The following RPE65 variants were observed in gnomAD, a reference collection of about 807,000 sequenced individuals.
RPE65 encodes the protein retinoid isomerohydrolase.
RPE65 carries 58 observed loss-of-function variants against 68.5 expected under a neutral mutation model. That is an observed-to-expected ratio of 0.85 (90% CI 0.69 to 1.05). RPE65 has a LOEUF of 1.05. Among genes scored for constraint, RPE65 ranks in the 50% least tolerant of loss-of-function variants. The probability of loss-of-function intolerance (pLI) is 0.00; values close to 1 mark genes in which losing one functional copy is unlikely to be tolerated. For synonymous variants in RPE65, 220 were observed against 222.2 expected (o/e 0.99, Z 0.09); for missense variants, 643 against 629.9 (o/e 1.02, Z -0.22).
At chr1:68,446,659 C>A in intron 3 of RPE65, 51 bp downstream of exon 3, 1 of 1,613,004 alleles carries the variant, frequency 6.2e-7, no homozygotes, top group South Asian at 1.1e-5. Flanking sequence ...GAGGAGGAGC[C>A]AAGCTAGGCC....
In RPE65 at chr1:68,431,520, G is replaced by A. The variant is rs139640666; in HGVS notation, c.1194C>T (p.Asp398=). ...CTTCAGGCTCCAGCCAGATAGTCTC[G>A]TCACTGCACAGAATTGCAGTGGCAG... The part of the protein sequence containing the change: ...NTTATAILCS[D]ETIWLEPEVL... The change falls in exon 11 of 14, where the codon GAC becomes GAT. Residue 398 remains aspartate (D), a synonymous_variant. Transcript: ENST00000262340. The A allele has an allele frequency of 9.5e-5, 154 of 1,613,928 alleles. No homozygotes were observed. The highest frequency in any genetic ancestry group is 4.1e-4 in the South Asian group (37 of 91,086).
Position 68,432,749 on chromosome 1 carries a change from A to G in RPE65, c.1129-1164T>C, listed in dbSNP as rs141324183. Among the ~76,000 whole-genome samples the G allele has an allele frequency of 2.8e-3, 420 of 152,270 alleles. 4 individuals carry two copies. The highest frequency in any genetic ancestry group is 9.5e-3 in the African/African-American group (393 of 41,564). On this transcript the variant is annotated intron_variant, in intron 10 of 13. Coordinates refer to ENST00000262340, the MANE Select transcript of RPE65 (RefSeq NM_000329.3). Reference sequence around the variant, plus strand: ...GTTTTCAGCACAGGAGTGAGATGCTATGATTTATTTTTAGGGTAGCCTTGT... The same window carrying G: ...GTTTTCAGCACAGGAGTGAGATGCTGTGATTTATTTTTAGGGTAGCCTTGT...
At position 68,431,319 on chromosome 1, in the gene RPE65, G is replaced by T. The variant is rs34627040; in HGVS notation, c.1301C>A (p.Ala434Glu). 1.2e-6 allele frequency: 2 copies of T among 1,613,928 alleles called. No homozygotes were observed. Among genetic ancestry groups the T allele is most frequent in the Middle Eastern group, 1.6e-4 (1 of 6,062 alleles). The change falls in exon 12 of 14, where the codon GCG (alanine) becomes GAG (glutamate). Residue 434 changes from alanine to glutamate, a missense_variant. By Grantham distance (107) the Ala-to-Glu change is moderately radical. Transcript: ENST00000262340. ...QKYCGKPYTY[A>E]YGLGLNHFVP... is the part of the protein sequence containing the mutation. Reference sequence around the variant, plus strand: ...AAAGTGATTCAAGCCAAGTCCATACGCATATGTGTAAGGTTTCCCACAATA... The same window carrying T: ...AAAGTGATTCAAGCCAAGTCCATACTCATATGTGTAAGGTTTCCCACAATA...
rs1343005273 is a variant in RPE65 at position 68,439,305 on chromosome 1, G to T, written c.744C>A (p.Asn248Lys). Residue 248 changes from asparagine (N) to lysine (K), a missense_variant, in exon 8 of 14, where the codon AAC becomes AAA. By Grantham distance (94) the Asn-to-Lys change is moderately conservative (BLOSUM62 0). Coordinates refer to ENST00000262340, the MANE Select transcript of RPE65 (RefSeq NM_000329.3). Reference sequence around the variant, plus strand: ...CTGGTGTCTCCACAAAAACGATATAGTTGGGAGTCAGACCAAAACTGTTCA... The same window carrying T: ...CTGGTGTCTCCACAAAAACGATATATTTGGGAGTCAGACCAAAACTGTTCA... ...SYVHSFGLTP[N>K]YIVFVETPVK... 7.4e-6 allele frequency: 12 copies of T among 1,613,662 alleles called. No individual in the cohort carries two copies. The highest frequency in any genetic ancestry group is 1.0e-5 in the Non-Finnish European group (12 of 1,179,968).
At chr1:68,437,747 T>G (rs1200360523) in intron 10 of RPE65, among the ~76,000 whole-genome samples, 1 of 152,158 alleles carries the variant, frequency 6.6e-6, no homozygotes, top group Non-Finnish European at 1.5e-5. Flanking sequence ...CTAGTGATAT[T>G]TTTCAGAAGA....
intron 13 of RPE65, 122 bp from the exon 14 acceptor site, chr1:68,430,049 C>T (rs1448616119): frequency 1.5e-6 from 2 of 1,292,112 alleles, no homozygotes; most frequent in African/African-American, 1.5e-5. Context: ...TATGACCTGA[C>T]TTCTTTTTCT....
Position 68,429,894 on chromosome 1 carries a change from G to C in RPE65, c.1484C>G (p.Ala495Gly), listed in dbSNP as rs1469799490. 1.2e-6 allele frequency: 2 copies of C among 1,613,452 alleles called. No homozygotes were observed. The highest frequency in any genetic ancestry group is 2.7e-5 in the African/African-American group (2 of 74,766). Residue 495 changes from alanine (A) to glycine (G), a missense_variant, in exon 14 of 14, where the codon GCA (alanine) becomes GGA (glycine). By Grantham distance (60) the Ala-to-Gly change is moderately conservative. Transcript: ENST00000262340. ...VVLSVVVSPGAGQKPAYLLIL... is the reference protein window; with the variant it reads ...VVLSVVVSPGGGQKPAYLLIL... ...CAGGAGATAAGCAGGCTTTTGTCCT[G>C]CTCCTGGGCTCACCACCACACTCAG... is the stretch of plus-strand genomic sequence containing the variant.
intron 10 of RPE65, among the ~76,000 whole-genome samples, chr1:68,435,313 T>C (rs1645853178): frequency 1.3e-5 from 2 of 152,322 alleles, no homozygotes; most frequent in South Asian, 4.1e-4. Flanking sequence ...TCAAATTCTT[T>C]ATTTTTTAAA....
At chr1:68,443,374 G>C (rs1322923197) in intron 5 of RPE65, among the ~76,000 whole-genome samples, 1 of 152,160 alleles carries the variant, frequency 6.6e-6, no homozygotes, top group Admixed American at 6.5e-5. Flanking sequence ...TCCCATGTGT[G>C]GGACGTCTCC....
chr1:68,447,931 G>A (rs1189534391), intron 2 of RPE65, among the ~76,000 whole-genome samples: 3 of 152,178 alleles, frequency 2.0e-5, no homozygotes, highest in Non-Finnish European at 4.4e-5. Context: ...GGCAGTGATT[G>A]ACAGTGCTTC....
chr1:68,445,971 C>G (rs1046504677), intron 3 of RPE65, among the ~76,000 whole-genome samples: 1 of 151,948 alleles, frequency 6.6e-6, no homozygotes, highest in Admixed American at 6.6e-5. Context: ...AGTCCCCTTT[C>G]ACTTTTTCTT....
intron 10 of RPE65, among the ~76,000 whole-genome samples, chr1:68,436,442 T>TTTTA (rs1378192449): frequency 2.2e-5 from 3 of 137,566 alleles, no homozygotes; most frequent in Non-Finnish European, 4.6e-5. Flanking sequence ...CTCCTGTTAC[T>TTTTA]TCTATTTATT....
rs775020347 is a variant in RPE65 at position 68,444,555 on chromosome 1, T to A, written c.471A>T (p.Pro157=). 4 of 1,614,184 alleles carry A rather than the reference T, an allele frequency of 2.5e-6. No individual in the cohort carries two copies. The Admixed American group carries it at 6.7e-5, about 27-fold the overall frequency. The change falls in exon 5 of 14, where the codon CCA becomes CCT. Residue 157 remains proline, a synonymous_variant. Transcript: ENST00000262340. ...CCTGCTTAATTGTCTCCAAGGTCTCTGGATTAATCTTTGTAATAAAGTTGG... is the reference window on the plus strand; with the variant it reads ...CCTGCTTAATTGTCTCCAAGGTCTCAGGATTAATCTTTGTAATAAAGTTGG... ...TETNFITKIN[P]ETLETIKQVD...
At chr1:68,435,300 C>T (rs1445940932) in intron 10 of RPE65, among the ~76,000 whole-genome samples, 3 of 152,090 alleles carry the variant, frequency 2.0e-5, no homozygotes, top group East Asian at 3.9e-4. Flanking sequence ...TATTCTCTGG[C>T]TCTCAAATTC....
chr1:68,447,277 T>C (rs1002574197), intron 2 of RPE65, among the ~76,000 whole-genome samples: 1 of 152,186 alleles, frequency 6.6e-6, no homozygotes, highest in African/African-American at 2.4e-5. Flanking sequence ...TGAGAATAAA[T>C]GTATTTTAAA....
In RPE65 at chr1:68,448,698, T is replaced by C; in HGVS notation, c.20A>G (p.His7Arg). Residue 7 changes from histidine to arginine, a missense_variant, in exon 2 of 14, where the codon CAT (histidine) becomes CGT (arginine). By Grantham distance (29) the His-to-Arg change is conservative. Transcript: ENST00000262340. MSIQVEHPAGGYKKLFE... is the reference protein window; with the variant it reads MSIQVERPAGGYKKLFE... ...CAGTTTCTTGTAACCACCAGCAGGA[T>C]GCTCAACCCTGAAATGGTGGAAGAA... 1 of 1,613,414 alleles carries C rather than the reference T, an allele frequency of 6.2e-7. No homozygotes were observed. Among genetic ancestry groups the C allele is most frequent in the South Asian group, 1.1e-5 (1 of 90,908 alleles).
intron 2 of RPE65, among the ~76,000 whole-genome samples, chr1:68,447,795 A>G (rs938382315): frequency 6.6e-6 from 1 of 152,178 alleles, no homozygotes; most frequent in Non-Finnish European, 1.5e-5. Context: ...GCTTGCAGTG[A>G]GCTGAGATCA....
At chr1:68,442,365 G>A (rs965282576) in intron 5 of RPE65, among the ~76,000 whole-genome samples, 1 of 152,206 alleles carries the variant, frequency 6.6e-6, no homozygotes, top group Non-Finnish European at 1.5e-5. Flanking sequence ...AATGTGTGCT[G>A]TTTGGCCATT....
chr1:68,432,076 A>T (rs1240686866), intron 10 of RPE65, among the ~76,000 whole-genome samples: 1 of 151,848 alleles, frequency 6.6e-6, no homozygotes, highest in Non-Finnish European at 1.5e-5. Context: ...AGAAAAAAAA[A>T]AAACGCTGGA....
Sources: allele counts gnomAD v4.1 joint callset (sites outside exome capture counted in the v4.1 genomes callset), GRCh38; gene constraint gnomAD v4.1.1; transcripts MANE v1.5; gene names NCBI Gene and HGNC (gene_info 2026-07-23, HGNC 2026-07-21).